Variants in LBH observed in about 807,000 individuals in gnomAD.
LBH encodes the protein protein LBH.
Under a neutral mutation model 12.5 loss-of-function variants are expected in LBH, and 7 were observed. The observed-to-expected ratio is 0.56, with a 90% CI of 0.32 to 1.05. The LOEUF (loss-of-function observed/expected upper bound fraction) is 1.05. LBH is among the 50% of genes least tolerant of loss of function. LBH has a pLI of 0.04. For missense variants in LBH, 119 were observed against 138.9 expected, an observed-to-expected ratio of 0.86 and a Z score of 0.72; for synonymous variants, 51 against 50.1, an observed-to-expected ratio of 1.02 and a Z score of -0.08.
intron 2 of LBH, among the ~76,000 whole-genome samples, chr2:30,253,693 T>C (rs1425887293): frequency 1.3e-5 from 2 of 152,080 alleles, no homozygotes; most frequent in African/African-American, 4.8e-5. Flanking sequence ...CCCTCTTGCT[T>C]GGAGATTGGA....
chr2:30,244,021 G>A (rs538552989), intron 2 of LBH, among the ~76,000 whole-genome samples: 6 of 152,274 alleles, frequency 3.9e-5, no homozygotes, highest in Admixed American at 2.0e-4. Flanking sequence ...CAGACAGCTT[G>A]AAAAATGTAA....
Position 30,259,596 on chromosome 2 carries a change from G to T in LBH, c.*1975G>T. 1 of 152,726 alleles carries T rather than the reference G, an allele frequency of 6.5e-6. No individual in the cohort carries two copies. 9.5% of individuals were successfully genotyped at this position (152,726 alleles called of 1,614,324 possible). On this transcript the variant is annotated 3_prime_UTR_variant, in exon 3 of 3. Coordinates refer to ENST00000395323, the MANE Select transcript of LBH (RefSeq NM_030915.4). ...ACCTGTCCTGGTCTTGCTGTGTGAT[G>T]GGAACATGCTTGTAAACTGCGTAAC...
chr2:30,246,678 G>T (rs1677874367), intron 2 of LBH, among the ~76,000 whole-genome samples: 1 of 152,238 alleles, frequency 6.6e-6, no homozygotes, highest in Admixed American at 6.5e-5. Flanking sequence ...GTCAATGAAG[G>T]ATATCTAGCC....
At chr2:30,234,861 G>A (rs773685299) in intron 2 of LBH, among the ~76,000 whole-genome samples, 3 of 152,122 alleles carry the variant, frequency 2.0e-5, no homozygotes, top group Admixed American at 6.5e-5. Flanking sequence ...TTGTTTAGTC[G>A]ATTGAGACCA....
chr2:30,250,114 CT>C (rs1677954068), intron 2 of LBH, among the ~76,000 whole-genome samples: 1 of 152,202 alleles, frequency 6.6e-6, no homozygotes, highest in Admixed American at 6.5e-5. Flanking sequence ...ATCCTTCGGA[CT>C]CTGTGGTCTG....
chr2:30,232,034 C>T, intron 1 of LBH: 3 of 1,321,582 alleles, frequency 2.3e-6, no homozygotes, highest in Admixed American at 2.7e-5. Flanking sequence ...GGCGGGGGAG[C>T]CAGGGGTCAC....
chr2:30,253,657 AT>A (rs1678026613), intron 2 of LBH, among the ~76,000 whole-genome samples: 1 of 152,198 alleles, frequency 6.6e-6, no homozygotes, highest in Admixed American at 6.5e-5. Flanking sequence ...GTTTGGAATT[AT>A]TTTAATTACT....
At chr2:30,234,321 T>C (rs971981088) in intron 1 of LBH, 84 bp from the exon 2 acceptor site, 1 of 1,055,636 alleles carries the variant, frequency 9.5e-7, no homozygotes, top group Non-Finnish European at 1.5e-6. Flanking sequence ...GACAGTCCCC[T>C]GATCCCACAG....
intron 1 of LBH, chr2:30,232,086 G>A (rs1017781178): frequency 5.9e-6 from 9 of 1,531,916 alleles, no homozygotes; most frequent in Non-Finnish European, 7.9e-6. Context: ...GCGGAGAGCT[G>A]CAGGAGGCGC....
chr2:30,246,161 G>A (rs781129681), intron 2 of LBH, among the ~76,000 whole-genome samples: 7 of 151,938 alleles, frequency 4.6e-5, no homozygotes, highest in Middle Eastern at 6.8e-3. Flanking sequence ...GTTTTGCCAT[G>A]TTGGCCAGGC....
rs551609582 is a variant in LBH at position 30,258,995 on chromosome 2, T to G, written c.*1374T>G. On this transcript the variant is annotated 3_prime_UTR_variant, in exon 3 of 3. Coordinates refer to ENST00000395323, the MANE Select transcript of LBH (RefSeq NM_030915.4). ...AGTTGGCCTTTGGACTTAGGATTTC[T>G]TATTGTAGCTAAGAGCCATCTGAAG... The G allele has an allele frequency of 1.3e-5, 2 of 152,674 alleles. No homozygotes were observed. The highest frequency in any genetic ancestry group is 1.5e-5 in the Non-Finnish European group (1 of 68,074). The allele number at this position is 152,674 out of a possible 1,614,324, so 9.5% of individuals were successfully genotyped here.
chr2:30,235,542 T>G (rs918777838), intron 2 of LBH, among the ~76,000 whole-genome samples: 5 of 152,186 alleles, frequency 3.3e-5, no homozygotes, highest in Non-Finnish European at 1.5e-5. Context: ...TGGCTCAGCC[T>G]GAGTCAGTGA....
intron 2 of LBH, among the ~76,000 whole-genome samples, chr2:30,254,620 CT>C (rs1380841194): frequency 1.3e-5 from 2 of 151,998 alleles, no homozygotes; most frequent in Non-Finnish European, 2.9e-5. Context: ...CCTCCTCCCC[CT>C]CCCCCCCTCC....
chr2:30,233,000 G>C (rs1446923738), intron 1 of LBH: 1 of 152,292 alleles, frequency 6.6e-6, no homozygotes, highest in Non-Finnish European at 1.5e-5. Context: ...CCCACCCCGA[G>C]GCTTGTGTAC....
Position 30,234,389 on chromosome 2 carries a change from C to T in LBH, c.27-16C>T, listed in dbSNP as rs1677646184. ...GCGCGTGTGTTTGTTGACTTTTGGT[C>T]TGGGTTTCTTGGCAGCCCCGACTAT... On this transcript the variant is annotated splice_polypyrimidine_tract_variant and intron_variant, in intron 1 of 2. Coordinates refer to ENST00000395323, the MANE Select transcript of LBH (RefSeq NM_030915.4). 1.2e-6 allele frequency: 2 copies of T among 1,607,320 alleles called. No homozygotes were observed. Among genetic ancestry groups the T allele is most frequent in the African/African-American group, 1.3e-5 (1 of 74,790 alleles).
chr2:30,247,382 T>C (rs1281389601), intron 2 of LBH, among the ~76,000 whole-genome samples: 2 of 152,248 alleles, frequency 1.3e-5, no homozygotes, highest in Non-Finnish European at 2.9e-5. Context: ...TAGGAAGCTG[T>C]CAGGCTCATG....
At chr2:30,246,262 G>A (rs1179500136) in intron 2 of LBH, among the ~76,000 whole-genome samples, 1 of 152,090 alleles carries the variant, frequency 6.6e-6, no homozygotes, top group East Asian at 1.9e-4. Context: ...CTGGCCCATA[G>A]TCATCTTACT....
rs2103553784 is a variant in LBH, at chr2:30,231,633, G to C, written c.-106G>C. 1.7e-6 allele frequency: 2 copies of C among 1,163,754 alleles called. No individual in the cohort carries two copies. The highest frequency in any genetic ancestry group is 1.9e-5 in the Admixed American group (1 of 53,708). The allele number at this position is 1,163,754 out of a possible 1,614,324, so 72.1% of individuals were successfully genotyped here. A position where few individuals can be genotyped will look rare whatever the true frequency, so the allele number is the denominator to read the frequency against. On this transcript the variant is annotated 5_prime_UTR_variant, in exon 1 of 3. Coordinates refer to ENST00000395323, the MANE Select transcript of LBH (RefSeq NM_030915.4). ...GGCGGACGGCGAGCGCCCGGTGTCC[G>C]CACTCGGCCGCCTGCCGTGCCCGTC...
At chr2:30,244,529 C>G (rs1458101736) in intron 2 of LBH, among the ~76,000 whole-genome samples, 1 of 152,058 alleles carries the variant, frequency 6.6e-6, no homozygotes. Context: ...CTTCCTTGTC[C>G]TACCTTTCTT....
Sources: allele counts gnomAD v4.1 joint callset (sites outside exome capture counted in the v4.1 genomes callset), GRCh38; gene constraint gnomAD v4.1.1; transcripts MANE v1.5; gene names NCBI Gene and HGNC (gene_info 2026-07-23, HGNC 2026-07-21).